UBL3: variants seen among roughly 807,000 people sequenced by gnomAD.
UBL3 encodes the protein ubiquitin-like protein 3.
UBL3 carries 6 observed loss-of-function variants against 18.4 expected under a neutral mutation model. The ratio of observed to expected loss-of-function variants is 0.33; its 90% CI spans 0.18 to 0.64. The LOEUF is 0.64. Ranked by LOEUF, UBL3 falls within the 30% of genes least tolerant of loss-of-function variation. UBL3 has a pLI of 0.76. For synonymous variants in UBL3, 49 were observed against 46.6 expected (o/e 1.05, Z -0.21); for missense variants, 109 against 142.9 (o/e 0.76, Z 1.21).
chr13:29,803,761 C>T (rs150159655), intron 1 of UBL3, among the ~76,000 whole-genome samples: 5 of 152,160 alleles, frequency 3.3e-5, no homozygotes, highest in Non-Finnish European at 7.4e-5. Flanking sequence ...TATCTGCACC[C>T]AACACAGGAG....
At chr13:29,815,716 G>A (rs1198846029) in intron 1 of UBL3, among the ~76,000 whole-genome samples, 2 of 152,150 alleles carry the variant, frequency 1.3e-5, no homozygotes, top group Non-Finnish European at 2.9e-5. Context: ...TACCAGATGA[G>A]TGGGTTTCCA....
At chr13:29,774,416 C>T (rs1876926980) in intron 2 of UBL3, among the ~76,000 whole-genome samples, 1 of 152,060 alleles carries the variant, frequency 6.6e-6, no homozygotes, top group Non-Finnish European at 1.5e-5. Flanking sequence ...CAAAAAAAAT[C>T]TCATAAAGGT....
At chr13:29,776,227 T>C (rs1325577775) in intron 2 of UBL3, among the ~76,000 whole-genome samples, 1 of 150,306 alleles carries the variant, frequency 6.7e-6, no homozygotes, top group East Asian at 2.0e-4. Context: ...ATATTCACTA[T>C]TTTGTGTTTT....
chr13:29,777,251 G>A lies in UBL3; in HGVS notation c.40C>T (p.Leu14Phe). 1 of 1,605,210 alleles carries A rather than the reference G, an allele frequency of 6.2e-7. No homozygotes were observed. The highest frequency in any genetic ancestry group is 2.2e-5 in the East Asian group (1 of 44,710). ...NVPADMINLR[L>F]ILVSGKTKEF... ...TTTGTTTTTCCGCTTACCAAAATGA[G>A]GCGCAAATTTATCTGAAAGAAGACA... Residue 14 changes from leucine (L) to phenylalanine (F), a missense_variant, in exon 2 of 5, where the codon CTC becomes TTC. Leu to Phe is a conservative substitution (Grantham distance 22). Transcript: ENST00000380680.
chr13:29,784,991 C>T (rs956427813), intron 1 of UBL3, among the ~76,000 whole-genome samples: 12 of 152,190 alleles, frequency 7.9e-5, no homozygotes, highest in African/African-American at 2.7e-4. Flanking sequence ...CCGCAACCTC[C>T]GGCTCCCGGG....
chr13:29,826,742 G>A (rs1878630335), intron 1 of UBL3, among the ~76,000 whole-genome samples: 1 of 151,980 alleles, frequency 6.6e-6, no homozygotes, highest in African/African-American at 2.4e-5. Context: ...GAATGTGTTT[G>A]CTCTTGCTTC....
intron 1 of UBL3, among the ~76,000 whole-genome samples, chr13:29,847,420 A>G (rs1400128053): frequency 6.6e-6 from 1 of 152,230 alleles, no homozygotes; most frequent in African/African-American, 2.4e-5. Context: ...CTTAACATCC[A>G]GTCTCAAACA....
intron 1 of UBL3, among the ~76,000 whole-genome samples, chr13:29,809,280 A>G (rs1318168006): frequency 6.8e-6 from 1 of 147,966 alleles, no homozygotes; most frequent in African/African-American, 2.7e-5. Flanking sequence ...TGAGACCTGA[A>G]GAAGGAGTCA....
intron 1 of UBL3, among the ~76,000 whole-genome samples, chr13:29,802,583 G>T (rs1383668460): frequency 6.6e-6 from 1 of 152,216 alleles, no homozygotes; most frequent in Non-Finnish European, 1.5e-5. Context: ...GGAGCTGATA[G>T]ATGAAGTGGT....
chr13:29,764,597 T>G lies in UBL3; in HGVS notation c.*2658A>C, dbSNP rs1171972814. 3 of 152,206 alleles carry G rather than the reference T, an allele frequency of 2.0e-5. No individual in the cohort carries two copies. The highest frequency in any genetic ancestry group is 4.4e-5 in the Non-Finnish European group (3 of 68,032). The allele number at this position is 152,206 out of a possible 1,614,324, so 9.4% of individuals were successfully genotyped here. On this transcript the variant is annotated 3_prime_UTR_variant, in exon 5 of 5. Coordinates refer to ENST00000380680, the MANE Select transcript of UBL3 (RefSeq NM_007106.4). ...TTTTTCCATGGTAAAATACAACTTA[T>G]CTTGAAGAGAAAGCAAATAGTTCAG...
chr13:29,791,416 T>C (rs543973496), intron 1 of UBL3, among the ~76,000 whole-genome samples: 1 of 152,216 alleles, frequency 6.6e-6, no homozygotes, highest in Non-Finnish European at 1.5e-5. Flanking sequence ...TATCTCCGTT[T>C]TATAGATGGT....
At chr13:29,845,385 C>G (rs1879204483) in intron 1 of UBL3, among the ~76,000 whole-genome samples, 1 of 151,852 alleles carries the variant, frequency 6.6e-6, no homozygotes, top group Non-Finnish European at 1.5e-5. Flanking sequence ...TTTATAAAAC[C>G]CTCCAACTTA....
At chr13:29,813,393 C>A (rs1244157652) in intron 1 of UBL3, among the ~76,000 whole-genome samples, 1 of 151,918 alleles carries the variant, frequency 6.6e-6, no homozygotes, top group Non-Finnish European at 1.5e-5. Flanking sequence ...AAGTAATTAT[C>A]TTCAGTAAGA....
intron 1 of UBL3, among the ~76,000 whole-genome samples, chr13:29,787,430 A>G (rs1308084204): frequency 1.3e-5 from 2 of 152,204 alleles, no homozygotes; most frequent in Non-Finnish European, 2.9e-5. Context: ...ACTTTGATAA[A>G]ATTAAAATTC....
At position 29,806,565 on chromosome 13, in the gene UBL3, G is replaced by C. The variant is rs540166660; in HGVS notation, c.28-29302C>G. Among the ~76,000 whole-genome samples the C allele has an allele frequency of 1.5e-4, 23 of 152,258 alleles. 1 individual carries two copies. In the East Asian group the frequency reaches 4.4e-3, roughly 29 times the overall value. On this transcript the variant is annotated intron_variant, in intron 1 of 4. Transcript: ENST00000380680. ...AGTAAAGGGTAGGGCTGGGGGGCAG[G>C]GAGTATGGTGGGTGCAGTGCTGAGG... is the stretch of plus-strand genomic sequence containing the variant.
chr13:29,781,580 C>T (rs994224443), intron 1 of UBL3, among the ~76,000 whole-genome samples: 1 of 151,882 alleles, frequency 6.6e-6, no homozygotes, highest in Non-Finnish European at 1.5e-5. Flanking sequence ...AAATACCGCT[C>T]TGGTGGGGGA....
intron 1 of UBL3, among the ~76,000 whole-genome samples, chr13:29,783,224 C>A (rs1269108602): frequency 1.3e-5 from 2 of 152,098 alleles, no homozygotes; most frequent in Non-Finnish European, 2.9e-5. Flanking sequence ...CAGCAACATG[C>A]CAGAGTTAAC....
intron 1 of UBL3, among the ~76,000 whole-genome samples, chr13:29,789,377 TA>T (rs1366378407): frequency 3.3e-5 from 5 of 152,328 alleles, no homozygotes; most frequent in African/African-American, 1.2e-4. Context: ...TTTAAAAATA[TA>T]AAAGAAAATT....
At chr13:29,845,025 C>A (rs2139371391) in intron 1 of UBL3, among the ~76,000 whole-genome samples, 2 of 151,986 alleles carry the variant, frequency 1.3e-5, no homozygotes, top group Middle Eastern at 6.8e-3. Flanking sequence ...TAAAAAATAT[C>A]AGAGGTGAAA....
Sources: allele counts gnomAD v4.1 joint callset (sites outside exome capture counted in the v4.1 genomes callset), GRCh38; gene constraint gnomAD v4.1.1; transcripts MANE v1.5; gene names NCBI Gene and HGNC (gene_info 2026-07-23, HGNC 2026-07-21).